The following ANK2 variants were observed in gnomAD, a reference collection of about 807,000 sequenced individuals.
ANK2 encodes ankyrin 2, also known as ankyrin-2.
In ANK2, 83 loss-of-function variants were observed where a neutral mutation model predicts 360.5. The observed-to-expected ratio is 0.23, with a 90% CI of 0.19 to 0.28. ANK2 has a LOEUF of 0.28. ANK2 is among the 10% of genes least tolerant of loss of function. The probability of loss-of-function intolerance (pLI) is 1.00; values close to 1 mark genes in which losing one functional copy is unlikely to be tolerated. For synonymous variants in ANK2, 1,740 were observed against 1,759.5 expected, an observed-to-expected ratio of 0.99 and a Z score of 0.28; for missense variants, 4,201 against 4,795.7, an observed-to-expected ratio of 0.88 and a Z score of 3.66.
At chr4:113,297,950 AATTTTTGT>A (rs2072779124) in intron 22 of ANK2, among the ~76,000 whole-genome samples, 1 of 151,944 alleles carries the variant, frequency 6.6e-6, no homozygotes, top group Non-Finnish European at 1.5e-5. Flanking sequence ...ACTCCTGGCT[AATTTTTGT>A]ATTGTTTTGT....
intron 22 of ANK2, among the ~76,000 whole-genome samples, chr4:113,295,991 C>G (rs569285932): frequency 1.3e-5 from 2 of 151,990 alleles, no homozygotes; most frequent in East Asian, 3.9e-4. Context: ...TCTTTTCCCA[C>G]ATAATATTTT....
chr4:113,111,286 A>G (rs1397554973), intron 1 of ANK2, among the ~76,000 whole-genome samples: 1 of 152,228 alleles, frequency 6.6e-6, no homozygotes, highest in Non-Finnish European at 1.5e-5. Flanking sequence ...GTATAAATGT[A>G]AAACTTACAG....
intron 1 of ANK2, among the ~76,000 whole-genome samples, chr4:113,146,954 C>T (rs1335515994): frequency 6.6e-6 from 1 of 152,150 alleles, no homozygotes; most frequent in Non-Finnish European, 1.5e-5. Flanking sequence ...GGAGGTGGTG[C>T]TCTGCTCTCT....
chr4:112,719,900 C>G, the ANK2 span, among the ~76,000 whole-genome samples: 1 of 152,022 alleles, frequency 6.6e-6, no homozygotes, highest in Non-Finnish European at 1.5e-5. Flanking sequence ...AAGTAGAAAG[C>G]ATACGGCATT....
intron 1 of ANK2, among the ~76,000 whole-genome samples, chr4:113,138,628 T>A (rs1429167320): frequency 5.9e-5 from 9 of 152,222 alleles, no homozygotes; most frequent in African/African-American, 2.2e-4. Flanking sequence ...TGTGTGTATT[T>A]TGTAGGGAAA....
At chr4:113,227,606 A>G (rs2099240679) in intron 4 of ANK2, among the ~76,000 whole-genome samples, 1 of 152,180 alleles carries the variant, frequency 6.6e-6, no homozygotes, top group South Asian at 2.1e-4. Flanking sequence ...CTTAAAAGCT[A>G]TTACAGGAGA....
chr4:112,960,406 A>AT (rs1322835824), intron 2 of ANK2, among the ~76,000 whole-genome samples: 1 of 151,916 alleles, frequency 6.6e-6, no homozygotes, highest in Non-Finnish European at 1.5e-5. Flanking sequence ...AATGACAAAC[A>AT]TAAGTGATCT....
Position 113,293,448 on chromosome 4 carries a change from C to T in ANK2, c.2385C>T (p.Asn795=). The change falls in exon 22 of 46, where the codon AAC becomes AAT. Residue 795 remains asparagine (N), a synonymous_variant. Coordinates refer to ENST00000357077, the MANE Select transcript of ANK2 (RefSeq NM_001148.6). ...TTTCACTCTCTCTTCAGAATGGCAA[C>T]ACTGCCTTGGCGATTGCTAAGCGTC... ...AKPNATTANG[N]TALAIAKRLG... is the part of the protein sequence containing the mutation. 6.2e-7 allele frequency: 1 copy of T among 1,613,546 alleles called. No individual in the cohort carries two copies. Among genetic ancestry groups the T allele is most frequent in the Non-Finnish European group, 8.5e-7 (1 of 1,179,934 alleles).
At chr4:112,784,471 C>T in the ANK2 span, among the ~76,000 whole-genome samples, 1 of 151,450 alleles carries the variant, frequency 6.6e-6, no homozygotes, top group East Asian at 2.0e-4. Context: ...CATTCTCCTG[C>T]CTCAGCCTCC....
At chr4:112,759,926 C>A in the ANK2 span, among the ~76,000 whole-genome samples, 710 of 152,214 alleles carry the variant, frequency 4.7e-3, 11 homozygotes, top group African/African-American at 0.016. Flanking sequence ...CTGTAAAAAT[C>A]ACAGCATAGT....
rs150104218 is a variant in ANK2 at position 113,074,981 on chromosome 4, A to G, written c.84+25169A>G. On this transcript the variant is annotated intron_variant, in intron 1 of 45. Transcript: ENST00000357077. The stretch of plus-strand genomic sequence containing the variant: ...CATAGATTTAAAAATGCACTTTAGT[A>G]TCTTGCTATTTGATTGTGTGGTCCT... 2.4e-3 allele frequency among the ~76,000 whole-genome samples: 372 copies of G among 152,338 alleles called. 3 individuals are homozygous for G. The highest frequency in any genetic ancestry group is 0.024 in the Middle Eastern group (7 of 294).
Position 113,339,288 on chromosome 4 carries a change from G to A in ANK2, c.3859G>A (p.Glu1287Lys), listed in dbSNP as rs750424889. The change falls in exon 32 of 46, where the codon GAA (glutamate) becomes AAA (lysine). Residue 1287 changes from glutamate (E) to lysine (K), a missense_variant. By Grantham distance (56) the Glu-to-Lys change is moderately conservative (BLOSUM62 1). Transcript: ENST00000357077. ...TGTTPLTFVN[E>K]CVSFTTNVSA... ...AACTACGCCATTAACATTTGTCAAT[G>A]AATGTGTTTCCTTTACAACAAACGT... 2 of 1,613,984 alleles carry A rather than the reference G, an allele frequency of 1.2e-6. No individual in the cohort carries two copies. The highest frequency in any genetic ancestry group is 1.7e-6 in the Non-Finnish European group (2 of 1,179,996).
chr4:113,107,968 AG>A (rs1373938173), intron 1 of ANK2, among the ~76,000 whole-genome samples: 3 of 152,242 alleles, frequency 2.0e-5, no homozygotes, highest in Non-Finnish European at 1.5e-5. Context: ...TTAATAAAAA[AG>A]ATGGTTAAAG....
chr4:113,074,974 C>T (rs534607193), intron 1 of ANK2, among the ~76,000 whole-genome samples: 2 of 152,154 alleles, frequency 1.3e-5, no homozygotes, highest in African/African-American at 4.8e-5. Flanking sequence ...TAAAAATGCA[C>T]TTTAGTATCT....
intron 1 of ANK2, among the ~76,000 whole-genome samples, chr4:112,840,327 G>C (rs1228742935): frequency 6.6e-6 from 1 of 152,214 alleles, no homozygotes; most frequent in Admixed American, 6.5e-5. Context: ...TCCTCAGAGA[G>C]AGCTTCCATT....
At chr4:112,916,411 T>G (rs1302760474) in intron 2 of ANK2, among the ~76,000 whole-genome samples, 1 of 152,218 alleles carries the variant, frequency 6.6e-6, no homozygotes, top group South Asian at 2.1e-4. Context: ...TCACCTTTAA[T>G]GTGCATCATA....
At chr4:113,378,187 G>A in intron 45 of ANK2, 1 of 1,232,822 alleles carries the variant, frequency 8.1e-7, no homozygotes, top group Non-Finnish European at 1.1e-6. Flanking sequence ...AAAAGGTTTG[G>A]GTTAGCATGG....
intron 1 of ANK2, among the ~76,000 whole-genome samples, chr4:112,899,588 A>G (rs1407092527): frequency 6.6e-6 from 1 of 152,182 alleles, no homozygotes; most frequent in African/African-American, 2.4e-5. Flanking sequence ...AATAAGTTAT[A>G]AGTAGTATGA....
At chr4:112,789,843 A>C in the ANK2 span, among the ~76,000 whole-genome samples, 1 of 152,268 alleles carries the variant, frequency 6.6e-6, no homozygotes, top group Non-Finnish European at 1.5e-5. Context: ...CTCTCTTTGC[A>C]TCAGAGAAAT....
Sources: gnomAD v4.1 joint callset for allele counts (sites outside exome capture counted in the v4.1 genomes callset) on GRCh38, gnomAD v4.1.1 for gene constraint, MANE v1.5 for transcripts, NCBI Gene and HGNC (gene_info 2026-07-23, HGNC 2026-07-21) for gene names.